ADSS1: variants seen among roughly 807,000 people sequenced by gnomAD.
The protein encoded by ADSS1 is adenylosuccinate synthase 1.
In ADSS1, 57 loss-of-function variants were observed where a neutral mutation model predicts 59.1. The ratio of observed to expected loss-of-function variants is 0.97; its 90% CI spans 0.78 to 1.20. ADSS1 has a LOEUF of 1.20. Among genes scored for constraint, ADSS1 ranks in the 50% most tolerant of loss-of-function variants. The pLI is 0.00. For missense variants in ADSS1, 603 were observed against 610.3 expected (o/e 0.99, Z 0.13); for synonymous variants, 247 against 249.4 (o/e 0.99, Z 0.09).
rs1430765821 is a variant in ADSS1, at chr14:104,740,417, C to T, written c.477-184C>T. ...ATGCACACATCCACCCACAGGCACA[C>T]ACCATACCAGTACATCCATGCTAGT... On this transcript the variant is annotated intron_variant, in intron 5 of 12. Coordinates refer to ENST00000330877, the MANE Select transcript of ADSS1 (RefSeq NM_152328.5). The surrounding 1 kb of genome is among the most constrained non-coding windows in gnomAD (Gnocchi z 4.8). Among the ~76,000 whole-genome samples, 1 of 152,118 alleles carries T rather than the reference C, an allele frequency of 6.6e-6. No homozygotes were observed. The highest frequency in any genetic ancestry group is 1.5e-5 in the Non-Finnish European group (1 of 68,024).
At position 104,730,644 on chromosome 14, in the gene ADSS1, A is replaced by G. The variant is rs189777786; in HGVS notation, c.193-4376A>G. On this transcript the variant is annotated intron_variant, in intron 1 of 12. Transcript: ENST00000330877. Reference sequence around the variant, plus strand: ...TATAAAATGCCTGGAGGGACCAGCAATGGTGGGAGGACTGGGGAGTGGCCC... The same window carrying G: ...TATAAAATGCCTGGAGGGACCAGCAGTGGTGGGAGGACTGGGGAGTGGCCC... Among the ~76,000 whole-genome samples the G allele has an allele frequency of 5.6e-4, 86 of 152,226 alleles. 1 individual carries two copies. The highest frequency in any genetic ancestry group is 2.0e-3 in the African/African-American group (84 of 41,532).
chr14:104,725,173 G>A lies in ADSS1; in HGVS notation c.192+711G>A, dbSNP rs533655664. ...GACCTGCTTTGTCCCCCAGGGCCCA[G>A]GGCTGGGCCTCTGCCAGCCGGCAGC... is the stretch of plus-strand genomic sequence containing the variant. On this transcript the variant is annotated intron_variant, in intron 1 of 12. Transcript: ENST00000330877. 8.5e-5 allele frequency among the ~76,000 whole-genome samples: 13 copies of A among 152,312 alleles called. No homozygotes were observed. The East Asian group carries it at 2.1e-3, about 25-fold the overall frequency.
At chr14:104,727,807 G>C (rs1431495939) in intron 1 of ADSS1, among the ~76,000 whole-genome samples, 1 of 152,174 alleles carries the variant, frequency 6.6e-6, no homozygotes, top group African/African-American at 2.4e-5. Flanking sequence ...TGGATAACTG[G>C]GCTCCCTGCC....
At chr14:104,725,592 C>T (rs572972664) in intron 1 of ADSS1, among the ~76,000 whole-genome samples, 1 of 152,294 alleles carries the variant, frequency 6.6e-6, no homozygotes, top group South Asian at 2.1e-4. Context: ...GGGGACCTCC[C>T]CCCTTGCTCT....
At chr14:104,737,956 CAT>C in intron 2 of ADSS1, 1 of 228,972 alleles carries the variant, frequency 4.4e-6, no homozygotes, top group Non-Finnish European at 8.7e-6. Context: ...CTGCTATGAA[CAT>C]AGGTGTGCCC....
chr14:104,746,504 A>G (rs1891564082), intron 12 of ADSS1, 119 bp downstream of exon 12: 1 of 1,350,804 alleles, frequency 7.4e-7, no homozygotes, highest in African/African-American at 1.5e-5. Flanking sequence ...AAGCGAATAT[A>G]TTGCATGGCA....
rs768110435 is a variant in ADSS1, at chr14:104,746,381, C to A, written c.1317C>A (p.Val439=). 5.6e-6 allele frequency: 9 copies of A among 1,610,686 alleles called. No individual in the cohort carries two copies. In the Admixed American group the frequency reaches 1.5e-4, roughly 27 times the overall value. Residue 439 remains valine (V), a synonymous_variant, in exon 12 of 13, where the codon GTC becomes GTA. Transcript: ENST00000330877. ...YIRFVENHVG[V]AVKWVGVGKS... is the part of the protein sequence containing the mutation. The stretch of plus-strand genomic sequence containing the variant: ...GCTTTGTGGAGAATCACGTGGGAGT[C>A]GCAGGTGGGTGCCCTGCATCCCCAG...
chr14:104,743,008 GC>G, intron 9 of ADSS1, 58 bp from the exon 10 acceptor site: 1 of 1,602,994 alleles, frequency 6.2e-7, no homozygotes. Context: ...GAGCAGCAGG[GC>G]CAGGCTGCAC....
chr14:104,742,099 G>T (rs765165593), intron 9 of ADSS1, 97 bp downstream of exon 9: 3 of 1,491,860 alleles, frequency 2.0e-6, no homozygotes, highest in Non-Finnish European at 2.7e-6. Context: ...AGGCTCTGCG[G>T]ACCTTGCCAG....
At chr14:104,739,567 C>T (rs1168476561) in intron 4 of ADSS1, 183 bp from the exon 5 acceptor site, 4 of 896,928 alleles carry the variant, frequency 4.5e-6, no homozygotes, top group African/African-American at 1.7e-5. Context: ...GGTCACTAGC[C>T]CATTTGCAGG....
In ADSS1 at chr14:104,740,684, C is replaced by G. The variant is rs1891312358; in HGVS notation, c.560C>G (p.Ser187Ter). Residue 187 changes from serine to a stop codon, truncating the protein, a stop_gained, in exon 6 of 13, where the codon TCA becomes TGA. Transcript: ENST00000330877. LOFTEE classifies it high-confidence loss of function. The surrounding 1 kb of genome is among the most constrained non-coding windows in gnomAD (Gnocchi z 4.8). ...RTGLRICDLL[S>*]DFDEFSSRFK... is the part of the protein sequence containing the mutation. ...GGCCTCCGCATCTGCGACCTCCTGT[C>G]AGATTTTGATGAGTTTTCCTCCAGG... 6.2e-7 allele frequency: 1 copy of G among 1,613,998 alleles called. No individual in the cohort carries two copies. The highest frequency in any genetic ancestry group is 1.3e-5 in the African/African-American group (1 of 75,000).
Position 104,741,972 on chromosome 14 carries a change from CA to C in ADSS1, c.919del (p.Ile307SerfsTer25), listed in dbSNP as rs559454746. 291 of 1,613,206 alleles carry C rather than the reference CA, an allele frequency of 1.8e-4. 2 individuals are homozygous for C. The East Asian group carries it at 6.4e-3, about 36-fold the overall frequency. ...TGAAAGCCTATACCACACGTGTGGG[CA>C]TCGGGGCCTTCCCCACCGAGCAGAT... ...VVKAYTTRVGIGAFPTEQINE... is the reference protein window; with the variant it reads ...VVKAYTTRVGXGAFPTEQINE... On this transcript the variant is annotated frameshift_variant, in exon 9 of 13. Coordinates refer to ENST00000330877, the MANE Select transcript of ADSS1 (RefSeq NM_152328.5). LOFTEE classifies it high-confidence loss of function.
chr14:104,742,924 A>T, intron 9 of ADSS1, 143 bp from the exon 10 acceptor site: 1 of 1,233,674 alleles, frequency 8.1e-7, no homozygotes, highest in South Asian at 1.4e-5. Context: ...GATGTCCGGG[A>T]GCTGGATGTA....
chr14:104,734,090 C>T (rs11848420), intron 1 of ADSS1, among the ~76,000 whole-genome samples: 1,634 of 152,328 alleles, frequency 0.011, 27 homozygotes, highest in African/African-American at 0.037. Context: ...GGCAATGAGC[C>T]ATCATGGGCC....
intron 4 of ADSS1, 121 bp downstream of exon 4, chr14:104,739,499 C>T (rs2140802632): frequency 8.6e-7 from 1 of 1,166,360 alleles, no homozygotes; most frequent in Non-Finnish European, 1.2e-6. Flanking sequence ...CTCCACATGG[C>T]TCCATTAGCT....
intron 1 of ADSS1, 55 bp downstream of exon 1, chr14:104,724,517 C>T (rs542781944): frequency 1.6e-6 from 2 of 1,228,876 alleles, no homozygotes; most frequent in South Asian, 8.3e-5. Flanking sequence ...CCCCCTCCCC[C>T]GACCCAGACG....
At chr14:104,736,667 T>C (rs1284652904) in intron 2 of ADSS1, among the ~76,000 whole-genome samples, 1 of 152,032 alleles carries the variant, frequency 6.6e-6, no homozygotes, top group Non-Finnish European at 1.5e-5. Context: ...TTCTGAAGGC[T>C]TCATCTTCAA....
rs1057476383 is a variant in ADSS1, at chr14:104,724,263, A to G, written c.-8A>G. 8.1e-7 allele frequency: 1 copy of G among 1,227,220 alleles called. No individual in the cohort carries two copies. Among genetic ancestry groups the G allele is most frequent in the East Asian group, 3.2e-5 (1 of 31,194 alleles). The allele number at this position is 1,227,220 out of a possible 1,614,324, so 76.0% of individuals were successfully genotyped here. On this transcript the variant is annotated 5_prime_UTR_variant, in exon 1 of 13. Transcript: ENST00000330877. Reference sequence around the variant, plus strand: ...GCCGGGCCAGCGCAGCGGAAGAGCCAAGCCAGCATGTCGGGGACCCGAGCC... The same window carrying G: ...GCCGGGCCAGCGCAGCGGAAGAGCCGAGCCAGCATGTCGGGGACCCGAGCC...
At chr14:104,730,892 C>T (rs558571479) in intron 1 of ADSS1, among the ~76,000 whole-genome samples, 3 of 144,692 alleles carry the variant, frequency 2.1e-5, no homozygotes, top group East Asian at 2.1e-4. Context: ...CTCCCTGCCA[C>T]CAGGGAGGCA....
Sources: allele counts gnomAD v4.1 joint callset (sites outside exome capture counted in the v4.1 genomes callset), GRCh38; gene constraint gnomAD v4.1.1; non-coding constraint Gnocchi (gnomAD v3.1); transcripts MANE v1.5; gene names NCBI Gene and HGNC (gene_info 2026-07-23, HGNC 2026-07-21).